CRYBG2: variants seen among roughly 807,000 people sequenced by gnomAD.
CRYBG2 encodes crystallin beta-gamma domain containing 2.
CRYBG2 carries 106 observed loss-of-function variants against 153.4 expected under a neutral mutation model. The observed-to-expected ratio is 0.69, with a 90% confidence interval of 0.59 to 0.81. The LOEUF (loss-of-function observed/expected upper bound fraction) is 0.81. Ranked by LOEUF, CRYBG2 falls within the 30% of genes least tolerant of loss-of-function variation. The probability of loss-of-function intolerance (pLI) is 0.00; values close to 1 mark genes in which losing one functional copy is unlikely to be tolerated. For synonymous variants in CRYBG2, 851 were observed against 877.8 expected, an observed-to-expected ratio of 0.97 and a Z score of 0.54; for missense variants, 1,996 against 2,112.0, an observed-to-expected ratio of 0.95 and a Z score of 1.08.
intron 5 of CRYBG2, among the ~76,000 whole-genome samples, chr1:26,342,065 T>C (rs2074137558): frequency 6.6e-6 from 1 of 152,146 alleles, no homozygotes; most frequent in Non-Finnish European, 1.5e-5. Flanking sequence ...CTGGCACATA[T>C]TAGACATGAG....
rs1482448752 is a variant in CRYBG2 at position 26,337,075 on chromosome 1, G to T, written c.3772-95C>A. On this transcript the variant is annotated intron_variant, in intron 10 of 19. Coordinates refer to ENST00000308182, the MANE Select transcript of CRYBG2 (RefSeq NM_001039775.4). Reference sequence around the variant, plus strand: ...GGGTCACAGCCCACCCGGGGAATTAGGGGTGAGGCTGTCAGTACGACCTGG... The same window carrying T: ...GGGTCACAGCCCACCCGGGGAATTATGGGTGAGGCTGTCAGTACGACCTGG... 5.1e-6 allele frequency: 8 copies of T among 1,569,154 alleles called. No homozygotes were observed. The South Asian group carries it at 7.1e-5, about 14-fold the overall frequency.
chr1:26,336,390 C>A lies in CRYBG2; in HGVS notation c.4039-20G>T. On this transcript the variant is annotated intron_variant, in intron 12 of 19. Transcript: ENST00000308182. The surrounding 1 kb of genome is among the most constrained non-coding windows in gnomAD (Gnocchi z 4.9). ...CCCGACCTGAAGGTAGGGACCGAAT[C>A]GAGAATTAGGGAGGGTGCCGGCCCC... 1 of 1,612,530 alleles carries A rather than the reference C, an allele frequency of 6.2e-7. No individual in the cohort carries two copies. Among genetic ancestry groups the A allele is most frequent in the Non-Finnish European group, 8.5e-7 (1 of 1,179,278 alleles).
At position 26,345,519 on chromosome 1, in the gene CRYBG2, C is replaced by T. The variant is rs775242782; in HGVS notation, c.1139G>A (p.Gly380Glu). The T allele has an allele frequency of 5.6e-6, 9 of 1,597,234 alleles. No individual in the cohort carries two copies. Among genetic ancestry groups the T allele is most frequent in the Non-Finnish European group, 6.8e-6 (8 of 1,170,564 alleles). The change falls in exon 2 of 20, where the codon GGG becomes GAG. Residue 380 changes from glycine to glutamate, a missense_variant. By Grantham distance (98) the Gly-to-Glu change is moderately conservative (BLOSUM62 -2). Coordinates refer to ENST00000308182, the MANE Select transcript of CRYBG2 (RefSeq NM_001039775.4). ...AKQPVVPTHP[G>E]ARLTPLVLPP... ...CAGAACAAGGGGAGTGAGCCGGGCCCCGGGGTGAGTGGGCACCACAGGCTG... is the reference window on the plus strand; with the variant it reads ...CAGAACAAGGGGAGTGAGCCGGGCCTCGGGGTGAGTGGGCACCACAGGCTG...
intron 19 of CRYBG2, 25 bp downstream of exon 19, chr1:26,322,139 C>G: frequency 6.2e-7 from 1 of 1,606,226 alleles, no homozygotes; most frequent in Non-Finnish European, 8.5e-7. Flanking sequence ...CTCAGGAGCC[C>G]TCTTCCCCAT....
intron 18 of CRYBG2, among the ~76,000 whole-genome samples, chr1:26,322,770 A>T (rs2073874838): frequency 6.6e-6 from 1 of 152,226 alleles, no homozygotes; most frequent in Non-Finnish European, 1.5e-5. Flanking sequence ...CTCAATGCAG[A>T]GCCTGGCATG....
At position 26,345,733 on chromosome 1, in the gene CRYBG2, G is replaced by C; in HGVS notation, c.925C>G (p.Pro309Ala). Reference sequence around the variant, plus strand: ...TGGTCTCTGTCCGGACAGGCTGCAGGGGCATCCTGATTCTTAGGCAGGTGA... The same window carrying C: ...TGGTCTCTGTCCGGACAGGCTGCAGCGGCATCCTGATTCTTAGGCAGGTGA... ...SAHLPKNQDA[P>A]AACPDRDQGR... Residue 309 changes from proline to alanine, a missense_variant, in exon 2 of 20, where the codon CCT becomes GCT. Coordinates refer to ENST00000308182, the MANE Select transcript of CRYBG2 (RefSeq NM_001039775.4). The C allele has an allele frequency of 6.3e-7, 1 of 1,597,362 alleles. No individual in the cohort carries two copies.
intron 5 of CRYBG2, among the ~76,000 whole-genome samples, chr1:26,339,998 C>T (rs965250327): frequency 3.3e-5 from 5 of 152,202 alleles, no homozygotes; most frequent in Admixed American, 6.5e-5. Flanking sequence ...AAGTGCCAGG[C>T]CCATAGCCTT....
Position 26,328,229 on chromosome 1 carries a change from A to C in CRYBG2, c.4558T>G (p.Ser1520Ala), listed in dbSNP as rs750017019. ...CCCACCTGCTTGATGGGGTAGAGGG[A>C]GCCCACCCTCTGGGTGCCGCTGTAG... ...LTYSGTQRVG[S>A]LYPIKQRRVY... The change falls in exon 17 of 20, where the codon TCC (serine) becomes GCC (alanine). Residue 1520 changes from serine (S) to alanine (A), a missense_variant. Transcript: ENST00000308182. 3.3e-5 allele frequency: 52 copies of C among 1,565,176 alleles called. No individual in the cohort carries two copies. The South Asian group carries it at 6.1e-4, about 18-fold the overall frequency.
chr1:26,349,494 G>C (rs2074264293), intron 1 of CRYBG2, among the ~76,000 whole-genome samples: 1 of 152,152 alleles, frequency 6.6e-6, no homozygotes, highest in Non-Finnish European at 1.5e-5. Flanking sequence ...TCCTGGAGGG[G>C]TGGGGCCTGG....
chr1:26,339,222 C>T (rs1049665512), intron 6 of CRYBG2, 68 bp downstream of exon 6: 25 of 1,550,362 alleles, frequency 1.6e-5, no homozygotes, highest in Non-Finnish European at 2.2e-5. Context: ...TGTTCTGTCA[C>T]CTCTGTGTCC....
At position 26,343,685 on chromosome 1, in the gene CRYBG2, C is replaced by T; in HGVS notation, c.2913+60G>A. On this transcript the variant is annotated intron_variant, in intron 2 of 19. Coordinates refer to ENST00000308182, the MANE Select transcript of CRYBG2 (RefSeq NM_001039775.4). This position sits in a 1 kb window ranked among gnomAD's most constrained non-coding sequence, Gnocchi z 4.1. ...TCCCAGCACCACTCTCTTCACACCACTCAAGCCTTGACCCAGGTGAGGCCA... is the reference window on the plus strand; with the variant it reads ...TCCCAGCACCACTCTCTTCACACCATTCAAGCCTTGACCCAGGTGAGGCCA... 7.0e-7 allele frequency: 1 copy of T among 1,434,378 alleles called. No individual in the cohort carries two copies. Among genetic ancestry groups the T allele is most frequent in the Middle Eastern group, 2.4e-4 (1 of 4,244 alleles). 88.9% of individuals were successfully genotyped at this position (1,434,378 alleles called of 1,614,324 possible). A position where few individuals can be genotyped will look rare whatever the true frequency, so the allele number is the denominator to read the frequency against.
Position 26,343,013 on chromosome 1 carries a change from C to CA in CRYBG2, c.3074+33dup, listed in dbSNP as rs891113820. The CA allele has an allele frequency of 6.5e-7, 1 of 1,535,724 alleles. No homozygotes were observed. The highest frequency in any genetic ancestry group is 1.4e-5 in the African/African-American group (1 of 72,806). On this transcript the variant is annotated intron_variant, in intron 4 of 19. Transcript: ENST00000308182. The surrounding 1 kb of genome is among the most constrained non-coding windows in gnomAD (Gnocchi z 4.1). ...TCCCCTCTGCATCCCCCCAGGTTCACAGCCAAGTGCCTTGCTGGGCACTCC... is the reference window on the plus strand; with the variant it reads ...TCCCCTCTGCATCCCCCCAGGTTCACAAGCCAAGTGCCTTGCTGGGCACTCC...
intron 1 of CRYBG2, among the ~76,000 whole-genome samples, chr1:26,352,208 G>A (rs907479454): frequency 1.3e-5 from 2 of 152,066 alleles, no homozygotes; most frequent in African/African-American, 4.8e-5. Context: ...CAGACACACA[G>A]ACAGATACCG....
At position 26,343,315 on chromosome 1, in the gene CRYBG2, A is replaced by C. The variant is rs1451049008; in HGVS notation, c.2914-22T>G. 4 of 1,550,152 alleles carry C rather than the reference A, an allele frequency of 2.6e-6. No homozygotes were observed. The highest frequency in any genetic ancestry group is 3.3e-4 in the Middle Eastern group (2 of 5,992). On this transcript the variant is annotated intron_variant, in intron 2 of 19. Transcript: ENST00000308182. This position sits in a 1 kb window ranked among gnomAD's most constrained non-coding sequence, Gnocchi z 4.1. ...GGCTCTGAAACGGAGGCAGGTGATA[A>C]AGAAGTCCTGTGGGGTCACCTCTTT...
chr1:26,342,301 C>T (rs1557714147), intron 5 of CRYBG2, among the ~76,000 whole-genome samples: 1 of 152,136 alleles, frequency 6.6e-6, no homozygotes, highest in Non-Finnish European at 1.5e-5. Flanking sequence ...GCCAGGCTGC[C>T]CATTCCCCAG....
rs538027609 is a variant in CRYBG2, at chr1:26,346,872, T to G, written c.-55-160A>C. On this transcript the variant is annotated intron_variant, in intron 1 of 19. Transcript: ENST00000308182. The surrounding 1 kb of genome is among the most constrained non-coding windows in gnomAD (Gnocchi z 4.9). ...CATCTGTGAAATGGGCATGGTAGTC[T>G]CAGCTCTGATTTGGTTGATCAGAGC... Among the ~76,000 whole-genome samples the G allele has an allele frequency of 1.1e-4, 17 of 152,246 alleles. No homozygotes were observed. The highest frequency in any genetic ancestry group is 2.1e-4 in the Non-Finnish European group (14 of 68,046).
chr1:26,336,988 C>G lies in CRYBG2; in HGVS notation c.3772-8G>C. The stretch of plus-strand genomic sequence containing the variant: ...GGCCGGGTCCCCGAAGTCCTGGGTC[C>G]CCAGGGACAGTCAGGTCTCTCCCGC... On this transcript the variant is annotated splice_polypyrimidine_tract_variant and splice_region_variant and intron_variant, in intron 10 of 19. Transcript: ENST00000308182. This position sits in a 1 kb window ranked among gnomAD's most constrained non-coding sequence, Gnocchi z 4.9. 2.5e-6 allele frequency: 4 copies of G among 1,613,434 alleles called. No homozygotes were observed. Among genetic ancestry groups the G allele is most frequent in the Non-Finnish European group, 3.4e-6 (4 of 1,179,844 alleles).
chr1:26,347,189 C>T (rs2074232743), intron 1 of CRYBG2, among the ~76,000 whole-genome samples: 1 of 151,686 alleles, frequency 6.6e-6, no homozygotes, highest in African/African-American at 2.4e-5. Flanking sequence ...TGCTCACTAA[C>T]TGGCCATTTC....
At chr1:26,350,394 A>G (rs2074273913) in intron 1 of CRYBG2, among the ~76,000 whole-genome samples, 1 of 152,168 alleles carries the variant, frequency 6.6e-6, no homozygotes, top group African/African-American at 2.4e-5. Flanking sequence ...TCTGCCAAAC[A>G]CCTTGCTAAG....
Sources: gnomAD v4.1 joint callset for allele counts (sites outside exome capture counted in the v4.1 genomes callset) on GRCh38, gnomAD v4.1.1 for gene constraint, Gnocchi (gnomAD v3.1) non-coding constraint, MANE v1.5 for transcripts, NCBI Gene and HGNC (gene_info 2026-07-23, HGNC 2026-07-21) for gene names.